PIK3CB: variants seen among roughly 807,000 people sequenced by gnomAD.
PIK3CB encodes phosphatidylinositol-4,5-bisphosphate 3-kinase catalytic subunit beta, also known as phosphatidylinositol 4,5-bisphosphate 3-kinase catalytic subunit beta isoform.
PIK3CB carries 39 observed loss-of-function variants against 136.8 expected under a neutral mutation model. The observed-to-expected ratio is 0.29, with a 90% CI of 0.22 to 0.37. The LOEUF (loss-of-function observed/expected upper bound fraction) is 0.37. Among genes scored for constraint, PIK3CB ranks in the 10% least tolerant of loss-of-function variants. The probability of loss-of-function intolerance (pLI) is 1.00; values close to 1 mark genes in which losing one functional copy is unlikely to be tolerated. For missense variants in PIK3CB, 868 were observed against 1,275.4 expected (o/e 0.68, Z 4.87); for synonymous variants, 428 against 436.6 (o/e 0.98, Z 0.25).
chr3:138,823,227 G>A (rs916349458), intron 1 of PIK3CB, among the ~76,000 whole-genome samples: 1 of 151,616 alleles, frequency 6.6e-6, no homozygotes, highest in Non-Finnish European at 1.5e-5. Context: ...TTACAGGCCA[G>A]CTGGGCAACA....
intron 2 of PIK3CB, among the ~76,000 whole-genome samples, chr3:138,775,672 C>T (rs1424495827): frequency 2.6e-5 from 4 of 152,082 alleles, no homozygotes; most frequent in Non-Finnish European, 4.4e-5. Flanking sequence ...ACTGCCCCAG[C>T]CTATGACCTG....
intron 15 of PIK3CB, among the ~76,000 whole-genome samples, chr3:138,690,123 A>G (rs2043975817): frequency 6.6e-6 from 1 of 152,106 alleles, no homozygotes; most frequent in South Asian, 2.1e-4. Flanking sequence ...AAGTAAAAAA[A>G]AGAGTGGAAA....
intron 1 of PIK3CB, among the ~76,000 whole-genome samples, chr3:138,800,624 T>C (rs1421115125): frequency 6.6e-6 from 1 of 151,822 alleles, no homozygotes; most frequent in Non-Finnish European, 1.5e-5. Flanking sequence ...GCTACAACTC[T>C]ATTATTATTA....
chr3:138,669,992 T>G (rs903146583), intron 19 of PIK3CB, among the ~76,000 whole-genome samples: 9 of 152,234 alleles, frequency 5.9e-5, no homozygotes, highest in Admixed American at 5.9e-4. Context: ...AAGTCCTTCA[T>G]TTTTTAAAAA....
intron 2 of PIK3CB, among the ~76,000 whole-genome samples, chr3:138,795,042 G>C (rs1043436264): frequency 1.3e-5 from 2 of 151,976 alleles, no homozygotes; most frequent in African/African-American, 4.8e-5. Flanking sequence ...TATCTCAGCC[G>C]GGCGCGGTGG....
intron 9 of PIK3CB, among the ~76,000 whole-genome samples, chr3:138,712,875 A>G (rs1299341086): frequency 2.0e-5 from 3 of 152,014 alleles, no homozygotes; most frequent in Non-Finnish European, 4.4e-5. Context: ...CCAAAATGAG[A>G]AATCTTTAAT....
chr3:138,797,739 G>A (rs994288552), intron 1 of PIK3CB, among the ~76,000 whole-genome samples: 1 of 152,104 alleles, frequency 6.6e-6, no homozygotes, highest in African/African-American at 2.4e-5. Context: ...ATGGGTGTAT[G>A]TGAAAACTCT....
At chr3:138,696,685 C>G (rs2044144264) in intron 13 of PIK3CB, among the ~76,000 whole-genome samples, 1 of 152,000 alleles carries the variant, frequency 6.6e-6, no homozygotes, top group African/African-American at 2.4e-5. Context: ...GTGATGAAAA[C>G]AGGTTGAGAA....
rs1467090401 is a variant in PIK3CB, at chr3:138,803,509, C to T, written c.-121-6942G>A. Among the ~76,000 whole-genome samples, 5 of 152,282 alleles carry T rather than the reference C, an allele frequency of 3.3e-5. No individual in the cohort carries two copies. In the East Asian group the frequency reaches 7.7e-4, roughly 23 times the overall value. ...TTTGCCTCTCTTGCTTATTATTACA[C>T]GTGGCCAGTACCTTGATGCTTAACA... On this transcript the variant is annotated intron_variant, in intron 1 of 23. Transcript: ENST00000674063.
intron 15 of PIK3CB, among the ~76,000 whole-genome samples, chr3:138,689,967 T>A (rs796971985): frequency 9.9e-5 from 15 of 152,240 alleles, no homozygotes; most frequent in African/African-American, 3.6e-4. Context: ...TCTATTCCAA[T>A]TTTTTTCTTA....
Position 138,654,450 on chromosome 3 carries a change from G to C in PIK3CB, c.*939C>G, listed in dbSNP as rs1482756710. On this transcript the variant is annotated 3_prime_UTR_variant, in exon 24 of 24. Coordinates refer to ENST00000674063, the MANE Select transcript of PIK3CB (RefSeq NM_006219.3). ...AGAGCTGGCATTTTTCTAAAATACT[G>C]AATTTCAGATCTGGAGTTTATTCCA... 4.4e-6 allele frequency: 1 copy of C among 227,198 alleles called. No homozygotes were observed. The highest frequency in any genetic ancestry group is 8.7e-6 in the Non-Finnish European group (1 of 114,498). The allele number at this position is 227,198 out of a possible 1,614,324, so 14.1% of individuals were successfully genotyped here.
At chr3:138,685,420 A>AAAAAAAAAAAAAAAAGAAAG (rs2043866681) in intron 16 of PIK3CB, among the ~76,000 whole-genome samples, 9 of 86,964 alleles carry the variant, frequency 1.0e-4, no homozygotes, top group Non-Finnish European at 2.1e-4. Flanking sequence ...AAAAAAAAAA[A>AAAAAAAAAAAAAAAAGAAAG]AAAGAAAGAA....
chr3:138,679,409 C>A (rs1225574165), intron 19 of PIK3CB, among the ~76,000 whole-genome samples: 1 of 152,080 alleles, frequency 6.6e-6, no homozygotes, highest in Non-Finnish European at 1.5e-5. Context: ...GATCCTCTCA[C>A]CTTGGCCTTC....
chr3:138,801,345 G>A, intron 1 of PIK3CB, among the ~76,000 whole-genome samples: 1 of 152,118 alleles, frequency 6.6e-6, no homozygotes, highest in Non-Finnish European at 1.5e-5. Context: ...TGTGCTTCTG[G>A]ATCATGCCAC....
intron 13 of PIK3CB, among the ~76,000 whole-genome samples, chr3:138,697,325 A>G (rs1030968584): frequency 2.0e-5 from 3 of 152,200 alleles, no homozygotes; most frequent in African/African-American, 7.2e-5. Context: ...CAGCAATTAA[A>G]ATAAAATAGT....
intron 2 of PIK3CB, among the ~76,000 whole-genome samples, chr3:138,780,860 T>C (rs2045915988): frequency 6.6e-6 from 1 of 152,076 alleles, no homozygotes; most frequent in Non-Finnish European, 1.5e-5. Flanking sequence ...TTTGTTTTGT[T>C]TTTTTGTAGA....
At chr3:138,656,356 G>T in intron 22 of PIK3CB, 82 bp from the exon 23 acceptor site, 1 of 1,409,514 alleles carries the variant, frequency 7.1e-7, no homozygotes, top group Non-Finnish European at 9.8e-7. Flanking sequence ...AGAAAACACA[G>T]CTAGACTTTC....
chr3:138,811,081 G>T (rs1297808316), intron 1 of PIK3CB, among the ~76,000 whole-genome samples: 1 of 151,420 alleles, frequency 6.6e-6, no homozygotes, highest in Non-Finnish European at 1.5e-5. Flanking sequence ...ACAAAAATAA[G>T]CTGGGCATGG....
At chr3:138,798,074 A>AT (rs1470523120) in intron 1 of PIK3CB, among the ~76,000 whole-genome samples, 18 of 152,234 alleles carry the variant, frequency 1.2e-4, no homozygotes, top group Admixed American at 1.2e-3. Context: ...AATTTGCAAA[A>AT]TAACAGTTAT....
Sources: gnomAD v4.1 joint callset for allele counts (sites outside exome capture counted in the v4.1 genomes callset) on GRCh38, gnomAD v4.1.1 for gene constraint, MANE v1.5 for transcripts, NCBI Gene and HGNC (gene_info 2026-07-23, HGNC 2026-07-21) for gene names.